The following CSMD1 variants were observed in gnomAD, a reference collection of about 807,000 sequenced individuals.
The protein encoded by CSMD1 is CUB and Sushi multiple domains 1.
In CSMD1, 213 loss-of-function variants were observed where a neutral mutation model predicts 417.5. The observed-to-expected ratio is 0.51, with a 90% CI of 0.46 to 0.57. The LOEUF (loss-of-function observed/expected upper bound fraction) is 0.57, where lower values mean the gene tolerates loss of function less well. CSMD1 is among the 20% of genes least tolerant of loss of function. The pLI is 0.00. For missense variants in CSMD1, 6,923 were observed against 4,529.7 expected, an observed-to-expected ratio of 1.53 and a Z score of -15.17; for synonymous variants, 2,862 against 1,736.8, an observed-to-expected ratio of 1.65 and a Z score of -16.11.
chr8:3,457,139 C>T (rs527447574), intron 12 of CSMD1, among the ~76,000 whole-genome samples: 5 of 151,224 alleles, frequency 3.3e-5, no homozygotes, highest in South Asian at 2.1e-4. Flanking sequence ...CTCCCGTACT[C>T]GTCACTGAAC....
chr8:3,454,573 A>C (rs1439424506), intron 12 of CSMD1, among the ~76,000 whole-genome samples: 3 of 152,088 alleles, frequency 2.0e-5, no homozygotes, highest in African/African-American at 4.8e-5. Flanking sequence ...CACTTAAGAA[A>C]CTTAGTTTGG....
At chr8:3,478,812 A>G (rs73174876) in intron 11 of CSMD1, among the ~76,000 whole-genome samples, 2 of 152,012 alleles carry the variant, frequency 1.3e-5, no homozygotes, top group East Asian at 1.9e-4. Context: ...CGAAGAAAAA[A>G]TATCTAAGAA....
chr8:4,991,343 C>T (rs993627049), intron 1 of CSMD1, among the ~76,000 whole-genome samples: 2 of 152,190 alleles, frequency 1.3e-5, no homozygotes, highest in African/African-American at 4.8e-5. Context: ...AGGAAATCGC[C>T]AGTGAATTTT....
At chr8:4,669,315 C>T (rs898706116) in intron 1 of CSMD1, among the ~76,000 whole-genome samples, 10 of 152,156 alleles carry the variant, frequency 6.6e-5, no homozygotes, top group Non-Finnish European at 1.5e-4. Flanking sequence ...AAGAAGTTAG[C>T]TCTACCCAGA....
intron 7 of CSMD1, among the ~76,000 whole-genome samples, chr8:3,624,095 T>A (rs1273980149): frequency 1.3e-5 from 2 of 152,202 alleles, no homozygotes. Context: ...TAAAAACTTA[T>A]TTTTATTTCT....
chr8:4,029,066 T>A (rs748760356), intron 4 of CSMD1, among the ~76,000 whole-genome samples: 27 of 152,296 alleles, frequency 1.8e-4, no homozygotes, highest in Non-Finnish European at 3.5e-4. Flanking sequence ...ACTGACAGTG[T>A]TGAAAGAGTT....
intron 26 of CSMD1, among the ~76,000 whole-genome samples, chr8:3,271,045 A>C (rs935422639): frequency 6.6e-5 from 10 of 151,598 alleles, no homozygotes; most frequent in East Asian, 1.9e-4. Context: ...GTCATCTAGC[A>C]ATAGGTATAT....
chr8:3,078,369 T>G (rs1277662923), intron 49 of CSMD1, among the ~76,000 whole-genome samples: 1 of 152,184 alleles, frequency 6.6e-6, no homozygotes. Flanking sequence ...ACAGAGGAAA[T>G]GCGTTATTTA....
chr8:4,387,261 C>T (rs1042782591), intron 3 of CSMD1, among the ~76,000 whole-genome samples: 1 of 152,018 alleles, frequency 6.6e-6, no homozygotes, highest in African/African-American at 2.4e-5. Flanking sequence ...TTTTCTTAAG[C>T]TATAGGAGCA....
At chr8:3,423,394 T>G (rs1224349931) in intron 12 of CSMD1, among the ~76,000 whole-genome samples, 1 of 152,206 alleles carries the variant, frequency 6.6e-6, no homozygotes, top group African/African-American at 2.4e-5. Context: ...TAGCTTTCTC[T>G]CTTCCAGAAT....
intron 2 of CSMD1, among the ~76,000 whole-genome samples, chr8:4,461,247 T>C (rs1190975381): frequency 6.6e-6 from 1 of 152,018 alleles, no homozygotes; most frequent in Non-Finnish European, 1.5e-5. Flanking sequence ...CTGATAAAAG[T>C]CACCTGCGAA....
At chr8:3,791,268 T>G (rs988946623) in intron 5 of CSMD1, among the ~76,000 whole-genome samples, 1 of 152,242 alleles carries the variant, frequency 6.6e-6, no homozygotes, top group Non-Finnish European at 1.5e-5. Context: ...AAAGCATGTA[T>G]GATAAACTTG....
intron 26 of CSMD1, among the ~76,000 whole-genome samples, chr8:3,235,672 G>C (rs7814326): frequency 2.6e-5 from 4 of 151,978 alleles, no homozygotes; most frequent in African/African-American, 9.7e-5. Flanking sequence ...GAAGTCCACA[G>C]AATATCAGTA....
At chr8:3,371,403 G>A (rs950857217) in intron 18 of CSMD1, among the ~76,000 whole-genome samples, 1 of 151,734 alleles carries the variant, frequency 6.6e-6, no homozygotes, top group Non-Finnish European at 1.5e-5. Flanking sequence ...CATGTAAGGA[G>A]CTCACAATAG....
intron 11 of CSMD1, among the ~76,000 whole-genome samples, chr8:3,482,210 A>G (rs1338893185): frequency 1.3e-5 from 2 of 152,220 alleles, no homozygotes; most frequent in Non-Finnish European, 2.9e-5. Flanking sequence ...TAAATGGTCT[A>G]GATATGCCAC....
In CSMD1 at chr8:3,764,865, G is replaced by T. The variant is rs564866409; in HGVS notation, c.819-10823C>A. ...GGGTTCAAGGGATTCTCATGCCTCA[G>T]CCTCCCAAGTAGTTGGGATTAAGGT... On this transcript the variant is annotated intron_variant, in intron 5 of 69. Coordinates refer to ENST00000635120, the MANE Select transcript of CSMD1 (RefSeq NM_033225.6). 2.6e-5 allele frequency among the ~76,000 whole-genome samples: 4 copies of T among 151,258 alleles called. No individual in the cohort carries two copies. In the South Asian group the frequency reaches 8.4e-4, roughly 32 times the overall value.
chr8:3,124,519 G>C (rs1410840269), intron 41 of CSMD1, among the ~76,000 whole-genome samples: 1 of 152,188 alleles, frequency 6.6e-6, no homozygotes, highest in East Asian at 1.9e-4. Context: ...TTCAGCCAAA[G>C]GAAATAGTAT....
intron 3 of CSMD1, among the ~76,000 whole-genome samples, chr8:4,233,925 C>A (rs567460104): frequency 3.2e-4 from 49 of 151,694 alleles, no homozygotes; most frequent in African/African-American, 1.0e-3. Flanking sequence ...CCCTAAAATG[C>A]CTTAATGAGG....
At chr8:4,077,926 A>C (rs991241823) in intron 3 of CSMD1, among the ~76,000 whole-genome samples, 38 of 152,082 alleles carry the variant, frequency 2.5e-4, no homozygotes, top group Non-Finnish European at 5.0e-4. Context: ...TGCCATCATC[A>C]CAAAATCCTT....
Sources: allele counts gnomAD v4.1 joint callset (sites outside exome capture counted in the v4.1 genomes callset), GRCh38; gene constraint gnomAD v4.1.1; transcripts MANE v1.5; gene names NCBI Gene and HGNC (gene_info 2026-07-23, HGNC 2026-07-21).